Variants in ARHGAP26 observed in about 807,000 individuals in gnomAD.
The protein encoded by ARHGAP26 is rho GTPase-activating protein 26.
A neutral mutation model predicts 104.8 loss-of-function variants in ARHGAP26; 38 were observed. The observed-to-expected ratio is 0.36, with a 90% CI of 0.28 to 0.48. The LOEUF (loss-of-function observed/expected upper bound fraction) is 0.48. Among genes scored for constraint, ARHGAP26 ranks in the 20% least tolerant of loss-of-function variants. The pLI is 0.99. For synonymous variants in ARHGAP26, 341 were observed against 340.0 expected, an observed-to-expected ratio of 1.00 and a Z score of -0.03; for missense variants, 704 against 947.9, an observed-to-expected ratio of 0.74 and a Z score of 3.38.
At chr5:143,074,712 T>G (rs769763174) in intron 17 of ARHGAP26, among the ~76,000 whole-genome samples, 15 of 152,242 alleles carry the variant, frequency 9.9e-5, no homozygotes, top group Non-Finnish European at 2.1e-4. Flanking sequence ...TCTCTGGTCC[T>G]TTAGAGAAGG....
chr5:143,054,602 G>T lies in ARHGAP26; in HGVS notation c.1373+76G>T. On this transcript the variant is annotated intron_variant, in intron 15 of 22. Transcript: ENST00000645722. ...CAGGAAGAAAGCAGTTTTATTTTCA[G>T]ACTCCGGAGAGCTGTCGGGTGGGTG... is the stretch of plus-strand genomic sequence containing the variant. 2.8e-6 allele frequency: 3 copies of T among 1,074,082 alleles called. No individual in the cohort carries two copies. The South Asian group carries it at 4.3e-5, about 15-fold the overall frequency. The allele number at this position is 1,074,082 out of a possible 1,614,324, so 66.5% of individuals were successfully genotyped here. A position where few individuals can be genotyped will look rare whatever the true frequency, so the allele number is the denominator to read the frequency against.
intron 11 of ARHGAP26, among the ~76,000 whole-genome samples, chr5:142,995,322 A>T (rs980625299): frequency 7.9e-5 from 12 of 152,186 alleles, no homozygotes; most frequent in Non-Finnish European, 1.8e-4. Flanking sequence ...TTTACAAGAA[A>T]AAAACAACCC....
chr5:142,864,169 C>G (rs1753848347), intron 1 of ARHGAP26, among the ~76,000 whole-genome samples: 1 of 152,150 alleles, frequency 6.6e-6, no homozygotes, highest in Admixed American at 6.5e-5. Flanking sequence ...TCAAGTTCCA[C>G]CTTCTGAGGA....
intron 17 of ARHGAP26, among the ~76,000 whole-genome samples, chr5:143,076,408 C>CT: frequency 1.3e-5 from 2 of 152,112 alleles, no homozygotes; most frequent in South Asian, 4.2e-4. Context: ...CCTCTTCTCC[C>CT]TTTTTTTATT....
At chr5:143,180,322 C>T (rs2151185041) in intron 20 of ARHGAP26, among the ~76,000 whole-genome samples, 1 of 152,224 alleles carries the variant, frequency 6.6e-6, no homozygotes, top group South Asian at 2.1e-4. Context: ...GACGGGGTTT[C>T]ACCATGTTGG....
intron 12 of ARHGAP26, among the ~76,000 whole-genome samples, chr5:143,018,486 A>G (rs987775443): frequency 1.6e-4 from 25 of 152,324 alleles, no homozygotes; most frequent in Middle Eastern, 3.4e-3. Context: ...TGCACATTTA[A>G]GTTTCTAATC....
At chr5:142,869,505 A>G (rs1754952193) in intron 1 of ARHGAP26, among the ~76,000 whole-genome samples, 1 of 152,086 alleles carries the variant, frequency 6.6e-6, no homozygotes, top group South Asian at 2.1e-4. Flanking sequence ...TCTAAGTCCA[A>G]AGGGAAAGAT....
intron 1 of ARHGAP26, among the ~76,000 whole-genome samples, chr5:142,787,775 A>G (rs796663417): frequency 3.2e-4 from 49 of 152,338 alleles, no homozygotes; most frequent in African/African-American, 1.1e-3. Flanking sequence ...ATAAAATGCA[A>G]ATTATGCCTA....
In ARHGAP26 at chr5:143,223,400, C is replaced by A. The variant is rs189707196; in HGVS notation, c.*954C>A. On this transcript the variant is annotated 3_prime_UTR_variant, in exon 23 of 23. Transcript: ENST00000645722. ...TATATTTGGAGCACACCCTAGTAACCTCTTGAGATTAAATTACATAGTCTT... is the reference window on the plus strand; with the variant it reads ...TATATTTGGAGCACACCCTAGTAACATCTTGAGATTAAATTACATAGTCTT... 2.0e-4 allele frequency: 47 copies of A among 232,388 alleles called. No individual in the cohort carries two copies. The East Asian group carries it at 2.7e-3, about 13-fold the overall frequency. The allele number at this position is 232,388 out of a possible 1,614,324, so 14.4% of individuals were successfully genotyped here. A position where few individuals can be genotyped will look rare whatever the true frequency, so the allele number is the denominator to read the frequency against.
rs149068187 is a variant in ARHGAP26, at chr5:142,823,338, G to A, written c.155-50062G>A. 1.6e-3 allele frequency among the ~76,000 whole-genome samples: 247 copies of A among 152,274 alleles called. 1 individual carries two copies. In the Middle Eastern group the frequency reaches 0.017, roughly 10 times the overall value. ...TGATCAGTATATGCAGATTACAAAT[G>A]TTGGCTACCCCAGTGCCTGGTGCTC... On this transcript the variant is annotated intron_variant, in intron 1 of 22. Coordinates refer to ENST00000645722, the MANE Select transcript of ARHGAP26 (RefSeq NM_001135608.3).
intron 20 of ARHGAP26, among the ~76,000 whole-genome samples, chr5:143,161,696 G>T (rs1225187287): frequency 6.6e-6 from 1 of 152,146 alleles, no homozygotes; most frequent in Non-Finnish European, 1.5e-5. Context: ...CACCTGCTTT[G>T]TGCTAATGAA....
chr5:143,185,456 CT>C (rs59997098), intron 20 of ARHGAP26, among the ~76,000 whole-genome samples: 1 of 152,126 alleles, frequency 6.6e-6, no homozygotes, highest in South Asian at 2.1e-4. Flanking sequence ...GGCATCCCTC[CT>C]TTTTTTCTTT....
chr5:143,066,783 T>A (rs1022030488), intron 17 of ARHGAP26, among the ~76,000 whole-genome samples: 1 of 152,204 alleles, frequency 6.6e-6, no homozygotes, highest in South Asian at 2.1e-4. Context: ...CTTAGCAGTT[T>A]GTGTGCATTT....
chr5:142,909,408 CT>C (rs1270022070), intron 9 of ARHGAP26, among the ~76,000 whole-genome samples: 8 of 152,210 alleles, frequency 5.3e-5, no homozygotes, highest in African/African-American at 1.9e-4. Flanking sequence ...TGGCTTTGCT[CT>C]CAGTCTGCCT....
chr5:142,983,288 C>A (rs950177197), intron 11 of ARHGAP26, among the ~76,000 whole-genome samples: 3 of 152,146 alleles, frequency 2.0e-5, no homozygotes, highest in African/African-American at 7.2e-5. Context: ...CTCATTGCAA[C>A]CTCCACCTCC....
At chr5:143,130,985 G>C (rs899163101) in intron 18 of ARHGAP26, among the ~76,000 whole-genome samples, 1 of 152,220 alleles carries the variant, frequency 6.6e-6, no homozygotes, top group Admixed American at 6.5e-5. Flanking sequence ...AGCCCTATCA[G>C]CGGTCTTCAG....
chr5:142,888,439 G>C (rs961039983), intron 5 of ARHGAP26, among the ~76,000 whole-genome samples: 1 of 152,196 alleles, frequency 6.6e-6, no homozygotes, highest in Admixed American at 6.5e-5. Context: ...TGAGTTTCTC[G>C]TAGGGGTCAG....
At chr5:143,143,910 G>A (rs1798862414) in intron 19 of ARHGAP26, among the ~76,000 whole-genome samples, 1 of 152,144 alleles carries the variant, frequency 6.6e-6, no homozygotes, top group Non-Finnish European at 1.5e-5. Context: ...CCATTATTTG[G>A]GGATTTATTT....
At chr5:142,856,881 C>A (rs1752447784) in intron 1 of ARHGAP26, among the ~76,000 whole-genome samples, 1 of 152,088 alleles carries the variant, frequency 6.6e-6, no homozygotes, top group South Asian at 2.1e-4. Flanking sequence ...CCCATGGATC[C>A]CGAGGGACAA....
Sources: gnomAD v4.1 joint callset for allele counts (sites outside exome capture counted in the v4.1 genomes callset) on GRCh38, gnomAD v4.1.1 for gene constraint, MANE v1.5 for transcripts, NCBI Gene and HGNC (gene_info 2026-07-23, HGNC 2026-07-21) for gene names.